REDIC1: variants seen among roughly 807,000 people sequenced by gnomAD.
REDIC1 encodes the protein HEI10 Interacting Protein 1.
the REDIC1 span, among the ~76,000 whole-genome samples, chr12:39,706,519 C>G: frequency 6.6e-6 from 1 of 151,904 alleles, no homozygotes; most frequent in Admixed American, 6.6e-5. Flanking sequence ...GCAAAACAAA[C>G]AAAACTGAAG....
chr12:39,712,075 G>GTATGTATA, the REDIC1 span, among the ~76,000 whole-genome samples: 96 of 21,554 alleles, frequency 4.5e-3, no homozygotes, highest in African/African-American at 0.01. Context: ...TATATATACC[G>GTATGTATA]GTATGTATAT....
the REDIC1 span, chr12:39,830,511 A>G: frequency 1.8e-6 from 2 of 1,099,544 alleles, no homozygotes; most frequent in Non-Finnish European, 2.2e-6. Context: ...ATCAATCTGG[A>G]GCAAATAAAC....
chr12:39,670,740 CTTCT>C, the REDIC1 span, among the ~76,000 whole-genome samples: 90 of 86,510 alleles, frequency 1.0e-3, no homozygotes, highest in African/African-American at 2.4e-3. Flanking sequence ...TACATTTCTT[CTTCT>C]TTTTTTTTTT....
At chr12:39,636,266 C>G in the REDIC1 span, among the ~76,000 whole-genome samples, 1 of 152,030 alleles carries the variant, frequency 6.6e-6, no homozygotes, top group African/African-American at 2.4e-5. Context: ...GCTCTGTATT[C>G]TAAATATTAG....
At chr12:39,630,591 A>C in the REDIC1 span, among the ~76,000 whole-genome samples, 1 of 152,184 alleles carries the variant, frequency 6.6e-6, no homozygotes, top group Non-Finnish European at 1.5e-5. Flanking sequence ...ATGACTTGCC[A>C]TTAAGTTAGA....
the REDIC1 span, among the ~76,000 whole-genome samples, chr12:39,651,787 T>G: frequency 6.6e-6 from 1 of 152,134 alleles, no homozygotes; most frequent in Non-Finnish European, 1.5e-5. Context: ...GATAATGAAT[T>G]TATGCACTTT....
At chr12:39,763,804 C>CT in the REDIC1 span, among the ~76,000 whole-genome samples, 3 of 152,084 alleles carry the variant, frequency 2.0e-5, no homozygotes, top group Non-Finnish European at 2.9e-5. Flanking sequence ...AAAGCAAAGT[C>CT]TTTTCCTGAC....
chr12:39,882,741 C>G, the REDIC1 span, among the ~76,000 whole-genome samples: 1 of 151,816 alleles, frequency 6.6e-6, no homozygotes, highest in Non-Finnish European at 1.5e-5. Context: ...TCTCAATCAG[C>G]ACTCAAACAC....
At chr12:39,847,921 ACCTAAGATATTT>A in the REDIC1 span, among the ~76,000 whole-genome samples, 7 of 152,146 alleles carry the variant, frequency 4.6e-5, no homozygotes, top group South Asian at 2.1e-4. Flanking sequence ...GTAAATAAAA[ACCTAAGATATTT>A]CCTACTTCTG....
chr12:39,901,395 T>C, the REDIC1 span, among the ~76,000 whole-genome samples: 1 of 148,068 alleles, frequency 6.8e-6, no homozygotes, highest in African/African-American at 2.5e-5. Flanking sequence ...ACCATCAGAG[T>C]GAACAGACAA....
the REDIC1 span, among the ~76,000 whole-genome samples, chr12:39,817,443 C>A: frequency 6.8e-6 from 1 of 147,886 alleles, no homozygotes; most frequent in South Asian, 2.1e-4. Flanking sequence ...GATTTAGGCT[C>A]TTAGTAACTT....
At chr12:39,836,232 C>G in the REDIC1 span, among the ~76,000 whole-genome samples, 1 of 152,040 alleles carries the variant, frequency 6.6e-6, no homozygotes, top group Non-Finnish European at 1.5e-5. Flanking sequence ...TAGACAATAG[C>G]CAATGATGCT....
chr12:39,819,576 T>C, the REDIC1 span, among the ~76,000 whole-genome samples: 4 of 152,178 alleles, frequency 2.6e-5, no homozygotes, highest in Admixed American at 2.6e-4. Flanking sequence ...TTCTCTCAAA[T>C]GTCCTTGACA....
the REDIC1 span, among the ~76,000 whole-genome samples, chr12:39,673,615 A>C: frequency 6.6e-6 from 1 of 152,044 alleles, no homozygotes; most frequent in East Asian, 1.9e-4. Context: ...CAAATTTTGC[A>C]TTTCTACTGA....
chr12:39,884,060 T>C, the REDIC1 span, among the ~76,000 whole-genome samples: 3 of 152,338 alleles, frequency 2.0e-5, no homozygotes, highest in East Asian at 5.8e-4. Context: ...GTTAACATTT[T>C]GTAGATTGGA....
the REDIC1 span, among the ~76,000 whole-genome samples, chr12:39,667,875 A>T: frequency 6.6e-6 from 1 of 152,068 alleles, no homozygotes; most frequent in South Asian, 2.1e-4. Flanking sequence ...TTTATCAGAG[A>T]CTAGGATTGC....
chr12:39,885,521 C>T, the REDIC1 span, among the ~76,000 whole-genome samples: 1 of 152,064 alleles, frequency 6.6e-6, no homozygotes, highest in Non-Finnish European at 1.5e-5. Context: ...CTGTTCTAGA[C>T]ATCAAAACCA....
chr12:39,706,389 G>C, the REDIC1 span, among the ~76,000 whole-genome samples: 2 of 151,814 alleles, frequency 1.3e-5, no homozygotes, highest in African/African-American at 4.8e-5. Flanking sequence ...ACTACCCTAA[G>C]CAATCTATTC....
At chr12:39,668,382 T>C in the REDIC1 span, among the ~76,000 whole-genome samples, 1 of 152,230 alleles carries the variant, frequency 6.6e-6, no homozygotes, top group African/African-American at 2.4e-5. Context: ...TTTAAGAATG[T>C]TGAATATTGG....
Sources: gnomAD v4.1 joint callset for allele counts (sites outside exome capture counted in the v4.1 genomes callset) on GRCh38, gnomAD v4.1.1 for gene constraint, MANE v1.5 for transcripts, NCBI Gene and HGNC (gene_info 2026-07-23, HGNC 2026-07-21) for gene names.